Variants in KCNQ5 observed in about 807,000 individuals in gnomAD.
KCNQ5 encodes potassium voltage-gated channel subfamily Q member 5, also known as potassium voltage-gated channel subfamily KQT member 5.
A neutral mutation model predicts 98.2 loss-of-function variants in KCNQ5; 30 were observed. The observed-to-expected ratio is 0.31, with a 90% CI of 0.23 to 0.41. KCNQ5 has a LOEUF of 0.41. Among genes scored for constraint, KCNQ5 ranks in the 10% least tolerant of loss-of-function variants. KCNQ5 has a pLI of 1.00. For synonymous variants in KCNQ5, 458 were observed against 449.4 expected (o/e 1.02, Z -0.24); for missense variants, 835 against 1,182.5 (o/e 0.71, Z 4.31).
chr6:73,054,358 A>T (rs1254027870), intron 3 of KCNQ5, among the ~76,000 whole-genome samples: 1 of 152,218 alleles, frequency 6.6e-6, no homozygotes, highest in Non-Finnish European at 1.5e-5. Flanking sequence ...CATCATCCTG[A>T]TACCAAAACC....
intron 2 of KCNQ5, among the ~76,000 whole-genome samples, chr6:73,029,742 C>T (rs1374518652): frequency 6.6e-6 from 1 of 151,030 alleles, no homozygotes; most frequent in African/African-American, 2.4e-5. Flanking sequence ...GACCATCCTG[C>T]CTAACACGGT....
At chr6:73,104,733 T>C (rs955480331) in intron 5 of KCNQ5, among the ~76,000 whole-genome samples, 1 of 152,172 alleles carries the variant, frequency 6.6e-6, no homozygotes, top group African/African-American at 2.4e-5. Flanking sequence ...TTATAATACC[T>C]CTCTCATCCT....
intron 13 of KCNQ5, among the ~76,000 whole-genome samples, chr6:73,193,632 A>G (rs903424079): frequency 6.6e-6 from 1 of 151,718 alleles, no homozygotes; most frequent in Non-Finnish European, 1.5e-5. Flanking sequence ...GGCTCCCCCA[A>G]TTTAATAAAA....
chr6:72,780,441 A>G (rs1376145095), intron 1 of KCNQ5, among the ~76,000 whole-genome samples: 2 of 152,236 alleles, frequency 1.3e-5, no homozygotes, highest in Non-Finnish European at 2.9e-5. Flanking sequence ...CATCATTCTG[A>G]TGAAAGCTTC....
At chr6:73,099,984 A>G (rs73452858) in intron 5 of KCNQ5, among the ~76,000 whole-genome samples, 33,773 of 152,212 alleles carry the variant, frequency 0.22, 8,567 homozygotes, top group African/African-American at 0.61. Flanking sequence ...TTGAAATAAT[A>G]TCAAGTATCT....
chr6:73,130,989 A>G lies in KCNQ5; in HGVS notation c.1248-2432A>G, dbSNP rs972000485. Among the ~76,000 whole-genome samples the G allele has an allele frequency of 7.9e-5, 12 of 152,294 alleles. No individual in the cohort carries two copies. In the East Asian group the frequency reaches 2.3e-3, roughly 29 times the overall value. On this transcript the variant is annotated intron_variant, in intron 9 of 13. Transcript: ENST00000370398. ...AAATAATAGACATTAGCAAATATCC[A>G]TGTAGTTGAGAAGGACAAAAGGGAA...
At chr6:72,967,836 A>AT (rs1767693030) in intron 1 of KCNQ5, 1 of 154,264 alleles carries the variant, frequency 6.5e-6, no homozygotes, top group Non-Finnish European at 1.5e-5. Context: ...GCCTCAAGAG[A>AT]TCCCTATACC....
At chr6:72,763,510 GC>G (rs1465715251) in intron 1 of KCNQ5, among the ~76,000 whole-genome samples, 5 of 152,016 alleles carry the variant, frequency 3.3e-5, no homozygotes, top group African/African-American at 1.2e-4. Context: ...TACAAGTCAT[GC>G]TTGGTGCCCT....
At chr6:72,974,929 G>A (rs1184197655) in intron 1 of KCNQ5, among the ~76,000 whole-genome samples, 1 of 151,652 alleles carries the variant, frequency 6.6e-6, no homozygotes, top group Admixed American at 6.6e-5. Flanking sequence ...TAGAGACAGG[G>A]TTTCACTGTG....
chr6:73,004,055 A>G (rs768506612), intron 2 of KCNQ5, 57 bp downstream of exon 2: 11 of 924,706 alleles, frequency 1.2e-5, no homozygotes, highest in East Asian at 2.4e-5. Context: ...TGCCTATAAC[A>G]TTTATACTAT....
At chr6:73,107,154 T>C (rs1775036615) in intron 6 of KCNQ5, among the ~76,000 whole-genome samples, 1 of 152,208 alleles carries the variant, frequency 6.6e-6, no homozygotes, top group Admixed American at 6.5e-5. Flanking sequence ...TTTGTGTTTA[T>C]ATTTATCCTG....
chr6:72,696,171 T>A (rs919582384), intron 1 of KCNQ5, among the ~76,000 whole-genome samples: 24 of 152,168 alleles, frequency 1.6e-4, no homozygotes, highest in African/African-American at 5.5e-4. Context: ...ATCTAAAAGG[T>A]TGTTCGCAGC....
At chr6:73,090,588 T>C (rs1774204126) in intron 5 of KCNQ5, among the ~76,000 whole-genome samples, 1 of 152,202 alleles carries the variant, frequency 6.6e-6, no homozygotes, top group African/African-American at 2.4e-5. Context: ...GATTCTTGTA[T>C]GTGGTGAGAA....
At chr6:72,658,066 TCTCCTGAAA>T (rs1365486440) in intron 1 of KCNQ5, among the ~76,000 whole-genome samples, 1 of 152,112 alleles carries the variant, frequency 6.6e-6, no homozygotes, top group East Asian at 1.9e-4. Flanking sequence ...CCCAAGAAGT[TCTCCTGAAA>T]CTCTTGAAAT....
chr6:72,909,503 C>A (rs1157870476), intron 1 of KCNQ5, among the ~76,000 whole-genome samples: 1 of 151,912 alleles, frequency 6.6e-6, no homozygotes, highest in African/African-American at 2.4e-5. Flanking sequence ...TGGTTAGAGG[C>A]TAGGATAAGG....
chr6:73,188,370 A>G (rs1298571540), intron 11 of KCNQ5, among the ~76,000 whole-genome samples: 2 of 152,228 alleles, frequency 1.3e-5, no homozygotes, highest in Admixed American at 6.5e-5. Context: ...ATGTTATGAA[A>G]ACACAAACAA....
chr6:72,832,812 A>C (rs1258720993), intron 1 of KCNQ5, among the ~76,000 whole-genome samples: 2 of 152,224 alleles, frequency 1.3e-5, no homozygotes, highest in African/African-American at 4.8e-5. Context: ...ATTCCAACTG[A>C]ACACATATAT....
At chr6:72,801,132 T>C (rs1774627766) in intron 1 of KCNQ5, among the ~76,000 whole-genome samples, 1 of 152,152 alleles carries the variant, frequency 6.6e-6, no homozygotes, top group Non-Finnish European at 1.5e-5. Context: ...TCTGGAGATG[T>C]CTATTAGGTC....
At chr6:72,963,133 T>A (rs539566212) in intron 1 of KCNQ5, among the ~76,000 whole-genome samples, 5 of 152,236 alleles carry the variant, frequency 3.3e-5, no homozygotes, top group Non-Finnish European at 7.3e-5. Flanking sequence ...ATGTGACAAG[T>A]ATTTTCAGAC....
Sources: allele counts gnomAD v4.1 joint callset (sites outside exome capture counted in the v4.1 genomes callset), GRCh38; gene constraint gnomAD v4.1.1; transcripts MANE v1.5; gene names NCBI Gene and HGNC (gene_info 2026-07-23, HGNC 2026-07-21).